The following TBC1D4 variants were observed in gnomAD, a reference collection of about 807,000 sequenced individuals.
The protein encoded by TBC1D4 is TBC1 domain family member 4, also known as TBC (Tre-2, BUB2, CDC16) domain-containing protein.
TBC1D4 carries 121 observed loss-of-function variants against 142.5 expected under a neutral mutation model. That is an observed-to-expected ratio of 0.85 (90% CI 0.73 to 0.99). TBC1D4 has a LOEUF of 0.99. Ranked by LOEUF, TBC1D4 falls within the 50% of genes least tolerant of loss-of-function variation. The probability of loss-of-function intolerance (pLI) is 0.00; values close to 1 mark genes in which losing one functional copy is unlikely to be tolerated. For missense variants in TBC1D4, 1,475 were observed against 1,606.6 expected (o/e 0.92, Z 1.40); for synonymous variants, 630 against 628.2 (o/e 1.00, Z -0.04).
At chr13:75,405,138 A>C (rs1311715646) in intron 1 of TBC1D4, among the ~76,000 whole-genome samples, 2 of 152,220 alleles carry the variant, frequency 1.3e-5, no homozygotes, top group Non-Finnish European at 2.9e-5. Flanking sequence ...ATATGGAGAG[A>C]AGACTATGAC....
At chr13:75,317,282 T>C (rs1878398513) in intron 12 of TBC1D4, among the ~76,000 whole-genome samples, 1 of 152,224 alleles carries the variant, frequency 6.6e-6, no homozygotes, top group East Asian at 1.9e-4. Context: ...GCATTTCTGG[T>C]GAAAAATTAA....
intron 1 of TBC1D4, among the ~76,000 whole-genome samples, chr13:75,399,643 T>C (rs1276458163): frequency 1.3e-5 from 2 of 152,190 alleles, no homozygotes; most frequent in African/African-American, 4.8e-5. Context: ...AGCAACTGTG[T>C]TTTGCCTTTG....
At chr13:75,375,736 A>AAGAAAT (rs1883459115) in intron 1 of TBC1D4, 1 of 151,316 alleles carries the variant, frequency 6.6e-6, no homozygotes, top group Non-Finnish European at 1.5e-5. Context: ...TAATAAGAAA[A>AAGAAAT]AGAAATAGAG....
At chr13:75,442,944 T>A (rs1283736215) in intron 1 of TBC1D4, among the ~76,000 whole-genome samples, 1 of 151,988 alleles carries the variant, frequency 6.6e-6, no homozygotes, top group Admixed American at 6.6e-5. Context: ...GAATCACCAC[T>A]TAACCTGAAG....
chr13:75,369,031 G>A (rs1157570008), intron 1 of TBC1D4, among the ~76,000 whole-genome samples: 2 of 151,974 alleles, frequency 1.3e-5, no homozygotes, highest in Non-Finnish European at 1.5e-5. Flanking sequence ...GCAACAGAGT[G>A]AGACTCTGTC....
chr13:75,324,140 T>A (rs1257484702), intron 11 of TBC1D4, 97 bp downstream of exon 11: 1 of 1,404,198 alleles, frequency 7.1e-7, no homozygotes, highest in East Asian at 2.3e-5. Context: ...CAGGGATGCA[T>A]AAATGTCACT....
intron 9 of TBC1D4, 93 bp downstream of exon 9, chr13:75,327,659 A>T (rs1043590549): frequency 2.6e-6 from 3 of 1,148,490 alleles, no homozygotes; most frequent in Non-Finnish European, 3.9e-6. Context: ...AAAGCTATAA[A>T]GCATTCATAA....
chr13:75,320,942 A>C (rs2137983116), intron 11 of TBC1D4, among the ~76,000 whole-genome samples: 1 of 150,366 alleles, frequency 6.7e-6, no homozygotes, highest in African/African-American at 2.4e-5. Flanking sequence ...CAGGAGGCTG[A>C]GGCAGGAAAA....
chr13:75,291,739 C>G (rs1384016549), intron 19 of TBC1D4, among the ~76,000 whole-genome samples: 1 of 152,154 alleles, frequency 6.6e-6, no homozygotes, highest in Non-Finnish European at 1.5e-5. Flanking sequence ...AATTCCAAAG[C>G]CTGTACTCCT....
chr13:75,322,850 C>T (rs190343877), intron 11 of TBC1D4, among the ~76,000 whole-genome samples: 1 of 152,174 alleles, frequency 6.6e-6, no homozygotes, highest in African/African-American at 2.4e-5. Context: ...AGTTTTGTGG[C>T]TATTTCCTTT....
At chr13:75,296,205 GT>G (rs200047472) in intron 17 of TBC1D4, among the ~76,000 whole-genome samples, 5 of 150,478 alleles carry the variant, frequency 3.3e-5, no homozygotes, top group Admixed American at 6.6e-5. Flanking sequence ...TGGAGTCAAA[GT>G]TTTTTTTTAA....
chr13:75,412,444 G>A (rs976567268), intron 1 of TBC1D4, among the ~76,000 whole-genome samples: 5 of 151,914 alleles, frequency 3.3e-5, no homozygotes, highest in South Asian at 4.2e-4. Flanking sequence ...TTACACACAC[G>A]CATGCACACA....
chr13:75,460,225 C>T (rs1459949472), intron 1 of TBC1D4, among the ~76,000 whole-genome samples: 2 of 152,146 alleles, frequency 1.3e-5, no homozygotes, highest in African/African-American at 2.4e-5. Context: ...ATGGCCCTAT[C>T]TATACTTTCA....
intron 1 of TBC1D4, among the ~76,000 whole-genome samples, chr13:75,431,157 A>C (rs17064449): frequency 0.033 from 4,954 of 152,296 alleles, 281 homozygotes; most frequent in African/African-American, 0.11. Context: ...GATTATCTAG[A>C]AATTATAACT....
rs543471321 is a variant in TBC1D4, at chr13:75,393,718, G to A, written c.499-31111C>T. On this transcript the variant is annotated intron_variant, in intron 1 of 20. Coordinates refer to ENST00000377636, the MANE Select transcript of TBC1D4 (RefSeq NM_014832.5). ...AGGCCAAGGTGGGCGGATCACCTAAGGTTGGGAGTTCGCGACCAGCCTGAC... is the reference window on the plus strand; with the variant it reads ...AGGCCAAGGTGGGCGGATCACCTAAAGTTGGGAGTTCGCGACCAGCCTGAC... 2.6e-5 allele frequency among the ~76,000 whole-genome samples: 4 copies of A among 152,264 alleles called. No individual in the cohort carries two copies. The South Asian group carries it at 8.3e-4, about 32-fold the overall frequency.
chr13:75,339,425 G>A (rs533985562), intron 7 of TBC1D4, among the ~76,000 whole-genome samples: 1 of 151,922 alleles, frequency 6.6e-6, no homozygotes, highest in Non-Finnish European at 1.5e-5. Flanking sequence ...ACAAAGTCAG[G>A]CCTGCCAGTA....
intron 14 of TBC1D4, among the ~76,000 whole-genome samples, chr13:75,309,324 A>G (rs1420720971): frequency 6.6e-6 from 1 of 152,156 alleles, no homozygotes; most frequent in Non-Finnish European, 1.5e-5. Flanking sequence ...CACCACAAAC[A>G]GTACAAAATC....
intron 1 of TBC1D4, among the ~76,000 whole-genome samples, chr13:75,410,271 C>G (rs903233689): frequency 2.0e-5 from 3 of 152,144 alleles, no homozygotes; most frequent in Non-Finnish European, 4.4e-5. Context: ...GTCAGTCTAC[C>G]GTCTGCTATG....
At chr13:75,410,892 C>T (rs1233820746) in intron 1 of TBC1D4, among the ~76,000 whole-genome samples, 3 of 121,756 alleles carry the variant, frequency 2.5e-5, no homozygotes, top group East Asian at 2.7e-4. Flanking sequence ...GCCGAGATCG[C>T]GCCACTGCAC....
Sources: gnomAD v4.1 joint callset for allele counts (sites outside exome capture counted in the v4.1 genomes callset) on GRCh38, gnomAD v4.1.1 for gene constraint, MANE v1.5 for transcripts, NCBI Gene and HGNC (gene_info 2026-07-23, HGNC 2026-07-21) for gene names.